FOXP1: variants seen among roughly 807,000 people sequenced by gnomAD.
FOXP1 encodes the protein forkhead box P1.
Under a neutral mutation model 98.2 loss-of-function variants are expected in FOXP1, and 15 were observed. The observed-to-expected ratio is 0.15, with a 90% CI of 0.10 to 0.24. The LOEUF is 0.24. Among genes scored for constraint, FOXP1 ranks in the 10% least tolerant of loss-of-function variants. The pLI, the probability that FOXP1 is intolerant of heterozygous loss-of-function variation, is 1.00. For synonymous variants in FOXP1, 371 were observed against 314.5 expected (o/e 1.18, Z -1.90); for missense variants, 633 against 848.5 (o/e 0.75, Z 3.15).
rs140910987 is a variant in FOXP1 at position 71,555,021 on chromosome 3, T to A, written c.-298+26528A>T. On this transcript the variant is annotated intron_variant, in intron 2 of 20. Transcript: ENST00000649528. ...GTAATATTTCAGTAAACAAGCTCAG[T>A]TATTTTTAAGCTCATAGCTGCCAAA... Among the ~76,000 whole-genome samples, 23 of 152,352 alleles carry A rather than the reference T, an allele frequency of 1.5e-4. 1 individual carries two copies. The East Asian group carries it at 4.4e-3, about 29-fold the overall frequency.
intron 5 of FOXP1, among the ~76,000 whole-genome samples, chr3:71,223,871 A>T (rs2065617322): frequency 6.6e-6 from 1 of 152,102 alleles, no homozygotes; most frequent in African/African-American, 2.4e-5. Flanking sequence ...GATACTTAGG[A>T]GTCACTCAGC....
intron 2 of FOXP1, among the ~76,000 whole-genome samples, chr3:71,563,891 G>A (rs1054439545): frequency 6.6e-6 from 1 of 152,198 alleles, no homozygotes; most frequent in African/African-American, 2.4e-5. Flanking sequence ...GGGCAAGCTG[G>A]TGCCAAACTG....
intron 2 of FOXP1, among the ~76,000 whole-genome samples, chr3:71,557,297 T>C (rs2046212412): frequency 1.3e-5 from 2 of 152,102 alleles, no homozygotes; most frequent in Non-Finnish European, 1.5e-5. Context: ...TGATTAAATG[T>C]TGGCATTATC....
chr3:71,458,583 A>G (rs932677373), intron 3 of FOXP1, among the ~76,000 whole-genome samples: 2 of 152,244 alleles, frequency 1.3e-5, no homozygotes, highest in African/African-American at 4.8e-5. Context: ...TGTGAGCAAA[A>G]TAACAGAATA....
intron 4 of FOXP1, among the ~76,000 whole-genome samples, chr3:71,346,864 T>C (rs926696326): frequency 7.9e-5 from 12 of 152,052 alleles, no homozygotes; most frequent in Non-Finnish European, 5.9e-5. Context: ...GCTAACATGG[T>C]GAAACCCGTC....
chr3:71,428,699 A>G (rs1015597454), intron 3 of FOXP1, among the ~76,000 whole-genome samples: 2 of 152,258 alleles, frequency 1.3e-5, no homozygotes, highest in African/African-American at 2.4e-5. Flanking sequence ...TAAAACAATA[A>G]TAGTTAGGCA....
chr3:71,005,832 C>G (rs2042738344), intron 12 of FOXP1, among the ~76,000 whole-genome samples: 1 of 152,096 alleles, frequency 6.6e-6, no homozygotes, highest in South Asian at 2.1e-4. Flanking sequence ...TGATTCCAGC[C>G]TCGAAGTATA....
chr3:71,420,773 C>T (rs931825885), intron 3 of FOXP1, among the ~76,000 whole-genome samples: 12 of 151,530 alleles, frequency 7.9e-5, no homozygotes, highest in African/African-American at 2.4e-4. Context: ...ATGAAGCAAT[C>T]AAGGCTCACT....
At chr3:71,091,129 G>GTTTGTGTGTGTGTGTGTGTA (rs1553732497) in intron 7 of FOXP1, among the ~76,000 whole-genome samples, 3 of 122,290 alleles carry the variant, frequency 2.5e-5, no homozygotes, top group Non-Finnish European at 5.2e-5. Context: ...GTGTGTGTGT[G>GTTTGTGTGTGTGTGTGTGTA]TGTATTCTTA....
intron 3 of FOXP1, among the ~76,000 whole-genome samples, chr3:71,437,855 C>T (rs951546598): frequency 2.6e-5 from 4 of 152,098 alleles, no homozygotes; most frequent in Non-Finnish European, 5.9e-5. Flanking sequence ...GAGGACAGGG[C>T]CCCACCCGCA....
intron 6 of FOXP1, among the ~76,000 whole-genome samples, chr3:71,170,848 G>A (rs899983049): frequency 9.9e-5 from 15 of 152,236 alleles, no homozygotes; most frequent in Admixed American, 5.2e-4. Context: ...CCATGGGGCC[G>A]TCTCTTTCCT....
intron 6 of FOXP1, among the ~76,000 whole-genome samples, chr3:71,142,626 A>G (rs1054272791): frequency 2.6e-5 from 4 of 152,238 alleles, no homozygotes; most frequent in African/African-American, 7.2e-5. Flanking sequence ...CAGGGACCTC[A>G]GTCCTACAGC....
chr3:71,125,264 T>A (rs1308151186), intron 6 of FOXP1, among the ~76,000 whole-genome samples: 1 of 152,132 alleles, frequency 6.6e-6, no homozygotes, highest in East Asian at 1.9e-4. Flanking sequence ...AAACAGAAAG[T>A]TTATGTAATG....
chr3:71,522,061 C>T (rs906469922), intron 2 of FOXP1, among the ~76,000 whole-genome samples: 2 of 152,058 alleles, frequency 1.3e-5, no homozygotes, highest in Non-Finnish European at 2.9e-5. Flanking sequence ...GATAACAAAA[C>T]CAAAATAAAA....
chr3:71,254,200 T>C (rs1028551618), intron 5 of FOXP1, among the ~76,000 whole-genome samples: 2 of 152,190 alleles, frequency 1.3e-5, no homozygotes, highest in Non-Finnish European at 2.9e-5. Context: ...AACTTCCTAG[T>C]CTCACCAGAA....
At chr3:71,414,808 T>A (rs2083085672) in intron 3 of FOXP1, among the ~76,000 whole-genome samples, 1 of 152,194 alleles carries the variant, frequency 6.6e-6, no homozygotes, top group Non-Finnish European at 1.5e-5. Flanking sequence ...ATAAAAATGA[T>A]AACTTAGATG....
chr3:71,484,309 G>A (rs2090500934), intron 3 of FOXP1, among the ~76,000 whole-genome samples: 1 of 152,104 alleles, frequency 6.6e-6, no homozygotes, highest in Non-Finnish European at 1.5e-5. Flanking sequence ...ACACTTTGAT[G>A]ACAGAATTCT....
At chr3:70,980,818 C>G (rs536619258) in intron 14 of FOXP1, among the ~76,000 whole-genome samples, 1 of 152,174 alleles carries the variant, frequency 6.6e-6, no homozygotes, top group Non-Finnish European at 1.5e-5. Flanking sequence ...CAAACACATA[C>G]GTCAGTCAAA....
intron 2 of FOXP1, among the ~76,000 whole-genome samples, chr3:71,549,000 T>C (rs1476464464): frequency 6.6e-6 from 1 of 152,154 alleles, no homozygotes; most frequent in Non-Finnish European, 1.5e-5. Flanking sequence ...GAGGCAGAGC[T>C]GGGATTCAAA....
Sources: gnomAD v4.1 joint callset for allele counts (sites outside exome capture counted in the v4.1 genomes callset) on GRCh38, gnomAD v4.1.1 for gene constraint, MANE v1.5 for transcripts, NCBI Gene and HGNC (gene_info 2026-07-23, HGNC 2026-07-21) for gene names.